The following ERC2 variants were observed in gnomAD, a reference collection of about 807,000 sequenced individuals.
The protein encoded by ERC2 is ELKS/RAB6-interacting/CAST family member 2.
A neutral mutation model predicts 114.8 loss-of-function variants in ERC2; 42 were observed. That is an observed-to-expected ratio of 0.37 (90% CI 0.29 to 0.47). The LOEUF (loss-of-function observed/expected upper bound fraction) is 0.47. ERC2 is among the 20% of genes least tolerant of loss of function. The pLI, the probability that ERC2 is intolerant of heterozygous loss-of-function variation, is 0.99. For synonymous variants in ERC2, 454 were observed against 425.5 expected (o/e 1.07, Z -0.82); for missense variants, 939 against 1,150.7 (o/e 0.82, Z 2.66).
In ERC2 at chr3:56,122,829, C is replaced by T. The variant is rs570941284; in HGVS notation, c.1473+16680G>A. On this transcript the variant is annotated intron_variant, in intron 6 of 17. Coordinates refer to ENST00000288221, the MANE Select transcript of ERC2 (RefSeq NM_015576.3). ...GCTTCTGCTGCTTTAGCAACACCCTCCTGTCTCTCCACTTCATGACTGTTG... is the reference window on the plus strand; with the variant it reads ...GCTTCTGCTGCTTTAGCAACACCCTTCTGTCTCTCCACTTCATGACTGTTG... 2.1e-4 allele frequency among the ~76,000 whole-genome samples: 32 copies of T among 152,168 alleles called. 1 individual carries two copies. Among genetic ancestry groups the T allele is most frequent in the Admixed American group, 1.2e-3 (19 of 15,278 alleles).
At chr3:56,154,615 T>A (rs760837874) in intron 4 of ERC2, among the ~76,000 whole-genome samples, 6 of 152,128 alleles carry the variant, frequency 3.9e-5, no homozygotes, top group Non-Finnish European at 8.8e-5. Context: ...TATTAATTTG[T>A]TCTTGTTGTT....
At chr3:56,130,599 C>T (rs143666952) in intron 6 of ERC2, among the ~76,000 whole-genome samples, 2 of 152,306 alleles carry the variant, frequency 1.3e-5, no homozygotes, top group Non-Finnish European at 2.9e-5. Flanking sequence ...AGACTCTTGA[C>T]CTGTAGAACA....
At chr3:56,461,482 C>T (rs959263369) in intron 1 of ERC2, among the ~76,000 whole-genome samples, 3 of 152,180 alleles carry the variant, frequency 2.0e-5, no homozygotes, top group African/African-American at 7.2e-5. Context: ...GCACTGGGTG[C>T]TCTCACACTG....
chr3:55,702,314 G>A (rs2063265403), intron 15 of ERC2, among the ~76,000 whole-genome samples: 1 of 152,172 alleles, frequency 6.6e-6, no homozygotes, highest in Admixed American at 6.5e-5. Context: ...GTGAGCGGAA[G>A]AGGCTTCTTT....
intron 2 of ERC2, among the ~76,000 whole-genome samples, chr3:56,398,347 C>A (rs968204053): frequency 6.6e-6 from 1 of 152,138 alleles, no homozygotes; most frequent in African/African-American, 2.4e-5. Flanking sequence ...GGTAAAGTAA[C>A]TTGCCAAAGT....
chr3:55,546,410 C>T (rs963282461), intron 17 of ERC2, among the ~76,000 whole-genome samples: 2 of 152,210 alleles, frequency 1.3e-5, no homozygotes, highest in Non-Finnish European at 2.9e-5. Context: ...CACCCCTTCT[C>T]TGGGATTCAT....
At chr3:55,772,488 T>G (rs2068294122) in intron 14 of ERC2, among the ~76,000 whole-genome samples, 1 of 152,228 alleles carries the variant, frequency 6.6e-6, no homozygotes, top group Non-Finnish European at 1.5e-5. Context: ...CTAAATTTTT[T>G]GTATTTTTTA....
At chr3:56,195,500 C>CATGT (rs1553873461) in intron 3 of ERC2, among the ~76,000 whole-genome samples, 19 of 150,022 alleles carry the variant, frequency 1.3e-4, no homozygotes, top group African/African-American at 3.9e-4. Context: ...TGCGTGTGTG[C>CATGT]GTGTGTGTGT....
chr3:55,757,717 TATAA>T (rs1222953946), intron 14 of ERC2, among the ~76,000 whole-genome samples: 1 of 152,116 alleles, frequency 6.6e-6, no homozygotes, highest in Non-Finnish European at 1.5e-5. Flanking sequence ...GTTATAAACC[TATAA>T]ATATTGTTCA....
rs1053940861 is a variant in ERC2 at position 56,014,852 on chromosome 3, C to A, written c.1779+4042G>T. Among the ~76,000 whole-genome samples the A allele has an allele frequency of 3.9e-5, 6 of 152,116 alleles. No homozygotes were observed. The South Asian group carries it at 8.3e-4, about 21-fold the overall frequency. On this transcript the variant is annotated intron_variant, in intron 8 of 17. Coordinates refer to ENST00000288221, the MANE Select transcript of ERC2 (RefSeq NM_015576.3). ...CACATAAGCAGTAATAGTTTTTGAA[C>A]AAACATCCCCTCATTCCAATGTTAC...
intron 2 of ERC2, among the ~76,000 whole-genome samples, chr3:56,361,205 C>A (rs949401436): frequency 7.9e-5 from 12 of 152,054 alleles, no homozygotes; most frequent in African/African-American, 2.7e-4. Flanking sequence ...AGCTGCTGCA[C>A]CAGGACGGAT....
intron 2 of ERC2, among the ~76,000 whole-genome samples, chr3:56,398,272 A>G (rs542203001): frequency 3.9e-5 from 6 of 152,340 alleles, no homozygotes; most frequent in Non-Finnish European, 8.8e-5. Flanking sequence ...CAAGAGGAAT[A>G]TAAGCAGCTT....
intron 2 of ERC2, among the ~76,000 whole-genome samples, chr3:56,308,538 T>C (rs1351642139): frequency 1.3e-5 from 2 of 152,190 alleles, no homozygotes; most frequent in Non-Finnish European, 2.9e-5. Flanking sequence ...ATGTATGATG[T>C]GCATGGAACA....
chr3:56,060,222 T>G (rs1158781479), intron 7 of ERC2, among the ~76,000 whole-genome samples: 1 of 152,190 alleles, frequency 6.6e-6, no homozygotes, highest in African/African-American at 2.4e-5. Context: ...ACATAGTCTT[T>G]CTCCCATGGG....
chr3:55,807,162 TAAC>T (rs2059525640), intron 14 of ERC2, among the ~76,000 whole-genome samples: 1 of 152,168 alleles, frequency 6.6e-6, no homozygotes, highest in African/African-American at 2.4e-5. Context: ...TTAAATGAGA[TAAC>T]AAACGATACT....
intron 6 of ERC2, among the ~76,000 whole-genome samples, chr3:56,137,305 G>C (rs554212538): frequency 1.3e-5 from 2 of 152,072 alleles, no homozygotes; most frequent in Admixed American, 1.3e-4. Context: ...TAACTTTATC[G>C]GTAATCCTGG....
chr3:56,225,543 T>C (rs1233211017), intron 3 of ERC2, among the ~76,000 whole-genome samples: 1 of 152,232 alleles, frequency 6.6e-6, no homozygotes, highest in East Asian at 1.9e-4. Context: ...TAACATTTAT[T>C]GAGATACCCA....
chr3:56,320,627 C>T (rs1351391437), intron 2 of ERC2, among the ~76,000 whole-genome samples: 1 of 151,792 alleles, frequency 6.6e-6, no homozygotes, highest in Non-Finnish European at 1.5e-5. Flanking sequence ...TTTACCATCA[C>T]GCCACTGACT....
At chr3:56,310,651 T>TC (rs1009152332) in intron 2 of ERC2, among the ~76,000 whole-genome samples, 1 of 152,142 alleles carries the variant, frequency 6.6e-6, no homozygotes, top group Non-Finnish European at 1.5e-5. Flanking sequence ...CCATGTACCC[T>TC]CCCTGCTTCT....
Sources: allele counts gnomAD v4.1 joint callset (sites outside exome capture counted in the v4.1 genomes callset), GRCh38; gene constraint gnomAD v4.1.1; transcripts MANE v1.5; gene names NCBI Gene and HGNC (gene_info 2026-07-23, HGNC 2026-07-21).